DPF3: variants seen among roughly 807,000 people sequenced by gnomAD.
DPF3 encodes the protein double PHD fingers 3, also known as zinc finger protein DPF3.
DPF3 carries 18 observed loss-of-function variants against 56.8 expected under a neutral mutation model. That is an observed-to-expected ratio of 0.32 (90% CI 0.22 to 0.47). The LOEUF is 0.47. DPF3 is among the 20% of genes least tolerant of loss of function. The pLI is 1.00. For missense variants in DPF3, 403 were observed against 488.8 expected (o/e 0.82, Z 1.65); for synonymous variants, 188 against 180.2 (o/e 1.04, Z -0.35).
At chr14:72,727,520 C>T (rs1272312821) in intron 4 of DPF3, among the ~76,000 whole-genome samples, 2 of 150,602 alleles carry the variant, frequency 1.3e-5, no homozygotes, top group African/African-American at 4.9e-5. Flanking sequence ...AGGCTGCAGT[C>T]AGCTGAGATT....
At chr14:72,894,028 G>T in intron 1 of DPF3, 29 bp downstream of exon 1, 1 of 1,609,404 alleles carries the variant, frequency 6.2e-7, no homozygotes, top group Non-Finnish European at 8.5e-7. Flanking sequence ...AAACCACGCG[G>T]AATATGTACA....
At chr14:72,639,338 C>A (rs147841503) in intron 8 of DPF3, among the ~76,000 whole-genome samples, 1 of 152,138 alleles carries the variant, frequency 6.6e-6, no homozygotes, top group Non-Finnish European at 1.5e-5. Flanking sequence ...CAGTCTCTGG[C>A]GTGGCTATCA....
At chr14:72,684,248 T>C (rs1282973458) in intron 7 of DPF3, among the ~76,000 whole-genome samples, 5 of 152,030 alleles carry the variant, frequency 3.3e-5, no homozygotes, top group Non-Finnish European at 7.4e-5. Context: ...GGCTTCACCA[T>C]GTTGACCAGG....
chr14:72,845,547 C>T (rs1884715871), intron 1 of DPF3, among the ~76,000 whole-genome samples: 1 of 152,200 alleles, frequency 6.6e-6, no homozygotes, highest in Non-Finnish European at 1.5e-5. Context: ...ATGTGTGCTG[C>T]CTTCTCCCAC....
chr14:72,619,275 T>A lies in DPF3; in HGVS notation c.*22A>T. 5 of 1,535,378 alleles carry A rather than the reference T, an allele frequency of 3.3e-6. No homozygotes were observed. Among genetic ancestry groups the A allele is most frequent in the Non-Finnish European group, 4.4e-6 (5 of 1,146,540 alleles). The stretch of plus-strand genomic sequence containing the variant: ...CTGCTTTAGGATCTCCAGCAGCGAG[T>A]CACATTCTGTGACCTGGGGCCCTAG... On this transcript the variant is annotated 3_prime_UTR_variant, in exon 11 of 11. Transcript: ENST00000556509.
rs902313030 is a variant in DPF3, at chr14:72,753,246, G to T, written c.301+18C>A. ...CCTTTCCCATCACAGACCCAGCCAA[G>T]CTCCAGAGGGCACTGACCAGGTTTT... is the stretch of plus-strand genomic sequence containing the variant. On this transcript the variant is annotated intron_variant, in intron 3 of 10. Transcript: ENST00000556509. 5.6e-6 allele frequency: 9 copies of T among 1,610,802 alleles called. No homozygotes were observed. The highest frequency in any genetic ancestry group is 1.3e-5 in the African/African-American group (1 of 74,888).
At chr14:72,822,242 G>A (rs1460508797) in intron 1 of DPF3, among the ~76,000 whole-genome samples, 5 of 152,060 alleles carry the variant, frequency 3.3e-5, no homozygotes, top group South Asian at 4.2e-4. Context: ...TTAGCTGGGC[G>A]TGGTAGCACA....
chr14:72,861,202 G>C (rs1430371900), intron 1 of DPF3, among the ~76,000 whole-genome samples: 1 of 151,924 alleles, frequency 6.6e-6, no homozygotes, highest in African/African-American at 2.4e-5. Context: ...GTATGTACTG[G>C]TGAATATATA....
chr14:72,706,634 C>T (rs1888414916), intron 6 of DPF3, among the ~76,000 whole-genome samples: 1 of 152,106 alleles, frequency 6.6e-6, no homozygotes, highest in South Asian at 2.1e-4. Flanking sequence ...CAGGGCACAT[C>T]CTGCTTCACC....
chr14:72,768,455 A>C (rs866806067), intron 2 of DPF3, among the ~76,000 whole-genome samples: 81 of 152,300 alleles, frequency 5.3e-4, no homozygotes, highest in African/African-American at 1.9e-3. Context: ...AAATCTAGAC[A>C]TGTGATAAAA....
At chr14:72,831,800 G>T (rs1010595526) in intron 1 of DPF3, among the ~76,000 whole-genome samples, 1 of 152,218 alleles carries the variant, frequency 6.6e-6, no homozygotes, top group African/African-American at 2.4e-5. Context: ...TGCATAAAAG[G>T]TAGGGAAAGA....
At position 72,740,090 on chromosome 14, in the gene DPF3, C is replaced by A. The variant is rs187738203; in HGVS notation, c.302-8156G>T. Among the ~76,000 whole-genome samples the A allele has an allele frequency of 5.3e-5, 8 of 152,190 alleles. No homozygotes were observed. The East Asian group carries it at 1.6e-3, about 30-fold the overall frequency. On this transcript the variant is annotated intron_variant, in intron 3 of 10. Transcript: ENST00000556509. ...GAGAGGGAGGGGGCTACGCTGACAT[C>A]CAGGCAAAGACGTTCCAGGCAAAGG...
chr14:72,667,855 T>C (rs1054140115), intron 8 of DPF3, among the ~76,000 whole-genome samples: 2 of 152,208 alleles, frequency 1.3e-5, no homozygotes, highest in Admixed American at 1.3e-4. Flanking sequence ...TGCATGCATA[T>C]ATATTCCTTA....
At chr14:72,718,771 A>ATTGTTTTTTTTTTTT (rs1889041927) in intron 5 of DPF3, among the ~76,000 whole-genome samples, 1 of 93,896 alleles carries the variant, frequency 1.1e-5, no homozygotes, top group Non-Finnish European at 1.9e-5. Context: ...CACCCTTGCT[A>ATTGTTTTTTTTTTTT]TTTTTTTTTT....
intron 1 of DPF3, among the ~76,000 whole-genome samples, chr14:72,808,610 T>C (rs1882895325): frequency 1.3e-5 from 2 of 152,194 alleles, no homozygotes; most frequent in African/African-American, 2.4e-5. Flanking sequence ...CATTTACTCT[T>C]AGGATGAGGT....
intron 1 of DPF3, among the ~76,000 whole-genome samples, chr14:72,827,420 A>G (rs1883855407): frequency 6.8e-6 from 1 of 147,388 alleles, no homozygotes; most frequent in South Asian, 2.2e-4. Flanking sequence ...ATTGTGCAAT[A>G]TTCTGGCCAC....
At chr14:72,685,928 A>G (rs144665003) in intron 7 of DPF3, among the ~76,000 whole-genome samples, 2 of 152,274 alleles carry the variant, frequency 1.3e-5, no homozygotes, top group East Asian at 1.9e-4. Flanking sequence ...ACTTGTCTAG[A>G]TTGCCCTCCA....
In DPF3 at chr14:72,683,326, CAAAAAA is replaced by C. The variant is rs56087517; in HGVS notation, c.743-8964_743-8959del. 3.8e-5 allele frequency among the ~76,000 whole-genome samples: 3 copies of C among 79,602 alleles called. No homozygotes were observed. In the Admixed American group the frequency reaches 4.6e-4, roughly 12 times the overall value. The allele number at this position is 79,602 out of a possible 152,430, so 52.2% of individuals were successfully genotyped here. On this transcript the variant is annotated intron_variant, in intron 7 of 10. Coordinates refer to ENST00000556509, the MANE Select transcript of DPF3 (RefSeq NM_001280542.3). Reference sequence around the variant, plus strand: ...TGGGTGACAGAACAAGACCCCATCTCAAAAAAAAAAAAAAAAAAAGCAAATTCCAGG... The same window carrying C: ...TGGGTGACAGAACAAGACCCCATCTCAAAAAAAAAAAAAGCAAATTCCAGG...
intron 3 of DPF3, among the ~76,000 whole-genome samples, chr14:72,746,243 A>T (rs1353408355): frequency 6.6e-6 from 1 of 152,202 alleles, no homozygotes; most frequent in Non-Finnish European, 1.5e-5. Flanking sequence ...CAGTGGGTAC[A>T]TTTCTTTGGC....
Sources: allele counts gnomAD v4.1 joint callset (sites outside exome capture counted in the v4.1 genomes callset), GRCh38; gene constraint gnomAD v4.1.1; transcripts MANE v1.5; gene names NCBI Gene and HGNC (gene_info 2026-07-23, HGNC 2026-07-21).